PAN3: variants seen among roughly 807,000 people sequenced by gnomAD.
PAN3 encodes poly(A) specific ribonuclease subunit PAN3, also known as PAN2-PAN3 deadenylation complex subunit PAN3.
Under a neutral mutation model 96.2 loss-of-function variants are expected in PAN3, and 19 were observed. The observed-to-expected ratio is 0.20, with a 90% CI of 0.14 to 0.29. PAN3 has a LOEUF of 0.29. Among genes scored for constraint, PAN3 ranks in the 10% least tolerant of loss-of-function variants. PAN3 has a pLI of 1.00. For synonymous variants in PAN3, 433 were observed against 406.6 expected, an observed-to-expected ratio of 1.06 and a Z score of -0.78; for missense variants, 882 against 1,108.1, an observed-to-expected ratio of 0.80 and a Z score of 2.90.
At chr13:28,214,149 G>C (rs1464001151) in intron 5 of PAN3, among the ~76,000 whole-genome samples, 1 of 152,028 alleles carries the variant, frequency 6.6e-6, no homozygotes, top group Non-Finnish European at 1.5e-5. Context: ...ACTTAAAAAG[G>C]TTATATATAC....
rs192300472 is a variant in PAN3, at chr13:28,167,729, A to G, written c.431-6543A>G. Among the ~76,000 whole-genome samples, 608 of 151,024 alleles carry G rather than the reference A, an allele frequency of 4.0e-3. 7 individuals carry two copies. The highest frequency in any genetic ancestry group is 0.014 in the African/African-American group (580 of 41,146). On this transcript the variant is annotated intron_variant, in intron 1 of 18. Transcript: ENST00000380958. ...TGTGGTGGCTCATTCCTGTAGTCCC[A>G]CCTATTTGGGGGCCTGAGGTGAGAG...
chr13:28,217,674 G>T (rs1880958670), intron 5 of PAN3, among the ~76,000 whole-genome samples: 1 of 151,690 alleles, frequency 6.6e-6, no homozygotes, highest in South Asian at 2.1e-4. Context: ...TTTTTAAAAT[G>T]TCCACTTAGA....
Position 28,249,900 on chromosome 13 carries a change from G to A in PAN3, c.1001-6392G>A, listed in dbSNP as rs549148263. On this transcript the variant is annotated intron_variant, in intron 6 of 18. Transcript: ENST00000380958. ...TCTTACATTCCATGCCTTTTAAGAG[G>A]GGAGTTTCCTTTTTAGTGAAGTTGA... Among the ~76,000 whole-genome samples, 3 of 152,214 alleles carry A rather than the reference G, an allele frequency of 2.0e-5. No individual in the cohort carries two copies. The South Asian group carries it at 6.2e-4, about 32-fold the overall frequency.
At chr13:28,210,166 A>G (rs1462774803) in intron 5 of PAN3, among the ~76,000 whole-genome samples, 1 of 152,180 alleles carries the variant, frequency 6.6e-6, no homozygotes, top group Non-Finnish European at 1.5e-5. Flanking sequence ...AGTATTATCC[A>G]TTTCTGGCAA....
intron 4 of PAN3, among the ~76,000 whole-genome samples, chr13:28,196,643 G>A (rs903332997): frequency 1.3e-5 from 2 of 151,460 alleles, no homozygotes; most frequent in Non-Finnish European, 2.9e-5. Context: ...CAAGTCTAAC[G>A]TGCATAGAAT....
intron 6 of PAN3, 33 bp downstream of exon 6, chr13:28,220,411 G>C: frequency 6.2e-7 from 1 of 1,604,376 alleles, no homozygotes; most frequent in South Asian, 1.1e-5. Flanking sequence ...GTGAGTTCCA[G>C]ATACCATGTC....
intron 4 of PAN3, among the ~76,000 whole-genome samples, chr13:28,184,805 C>T (rs951322472): frequency 6.6e-6 from 1 of 151,990 alleles, no homozygotes; most frequent in Non-Finnish European, 1.5e-5. Context: ...ATTTTATGTC[C>T]TTTTCTCATT....
chr13:28,288,690 A>C (rs917452900), intron 18 of PAN3, among the ~76,000 whole-genome samples: 2 of 152,188 alleles, frequency 1.3e-5, no homozygotes, highest in Admixed American at 1.3e-4. Flanking sequence ...TTTTATTTAC[A>C]TGTGGTTTTG....
At chr13:28,227,977 C>T (rs9582021) in intron 6 of PAN3, among the ~76,000 whole-genome samples, 25,321 of 152,074 alleles carry the variant, frequency 0.17, 3,987 homozygotes, top group African/African-American at 0.42. Flanking sequence ...AGAATGTTTC[C>T]GATCTGTTTC....
intron 6 of PAN3, among the ~76,000 whole-genome samples, chr13:28,234,908 G>A (rs1038631321): frequency 2.6e-5 from 4 of 151,842 alleles, no homozygotes; most frequent in African/African-American, 2.4e-5. Flanking sequence ...CATCATAGCC[G>A]CTTCCATGCA....
At chr13:28,244,618 C>T (rs774832321) in intron 6 of PAN3, among the ~76,000 whole-genome samples, 11 of 152,096 alleles carry the variant, frequency 7.2e-5, no homozygotes, top group Middle Eastern at 3.4e-3. Flanking sequence ...TTCATATGAG[C>T]CTCTATCAAA....
At chr13:28,208,548 G>A (rs1879650894) in intron 5 of PAN3, among the ~76,000 whole-genome samples, 1 of 151,920 alleles carries the variant, frequency 6.6e-6, no homozygotes, top group African/African-American at 2.4e-5. Context: ...TGGGGGGTAT[G>A]TTTGAATCCA....
At chr13:28,188,750 T>TATA (rs1393448192) in intron 4 of PAN3, among the ~76,000 whole-genome samples, 1 of 152,214 alleles carries the variant, frequency 6.6e-6, no homozygotes, top group Non-Finnish European at 1.5e-5. Flanking sequence ...TCTAGTTTAT[T>TATA]ATTAATGAGT....
At chr13:28,151,132 A>G (rs1034845574) in intron 1 of PAN3, among the ~76,000 whole-genome samples, 2 of 152,150 alleles carry the variant, frequency 1.3e-5, no homozygotes, top group Non-Finnish European at 2.9e-5. Flanking sequence ...ATAGAAGGCT[A>G]ATAGGTTGGT....
intron 5 of PAN3, among the ~76,000 whole-genome samples, chr13:28,204,669 G>A (rs766322168): frequency 2.0e-4 from 30 of 152,120 alleles, no homozygotes; most frequent in Non-Finnish European, 4.0e-4. Flanking sequence ...ACAACTTAAT[G>A]TGTTTTTTCC....
chr13:28,269,065 T>C (rs765274057), intron 12 of PAN3, among the ~76,000 whole-genome samples: 2 of 152,188 alleles, frequency 1.3e-5, no homozygotes, highest in Non-Finnish European at 2.9e-5. Context: ...GTTTCTCAAC[T>C]GCTTAAGTTT....
rs1250740692 is a variant in PAN3 at position 28,265,719 on chromosome 13, G to GTTTT, written c.1412-974_1412-971dup. Among the ~76,000 whole-genome samples, 9 of 10,044 alleles carry GTTTT rather than the reference G, an allele frequency of 9.0e-4. 3 individuals carry two copies. The highest frequency in any genetic ancestry group is 4.8e-3 in the African/African-American group (8 of 1,670). The allele number at this position is 10,044 out of a possible 152,430, so 6.6% of individuals were successfully genotyped here. ...ATTATCAGTTGTTTTTGTTTATAGG[G>GTTTT]TTTTTTTTTTTTTTTTTTTTTTTTT... On this transcript the variant is annotated intron_variant, in intron 9 of 18. Transcript: ENST00000380958.
At chr13:28,218,205 T>C (rs1161163835) in intron 5 of PAN3, among the ~76,000 whole-genome samples, 1 of 152,146 alleles carries the variant, frequency 6.6e-6, no homozygotes, top group Non-Finnish European at 1.5e-5. Flanking sequence ...AAAAGTATTC[T>C]AGGTAAGGTC....
chr13:28,173,845 G>T (rs1447357564), intron 1 of PAN3, among the ~76,000 whole-genome samples: 4 of 152,108 alleles, frequency 2.6e-5, no homozygotes, highest in African/African-American at 9.7e-5. Context: ...TGAATTTTGA[G>T]TTAGTGTGAG....
Sources: allele counts gnomAD v4.1 joint callset (sites outside exome capture counted in the v4.1 genomes callset), GRCh38; gene constraint gnomAD v4.1.1; transcripts MANE v1.5; gene names NCBI Gene and HGNC (gene_info 2026-07-23, HGNC 2026-07-21).